CACNA1A: variants seen among roughly 807,000 people sequenced by gnomAD.
CACNA1A encodes the protein voltage-dependent P/Q-type calcium channel subunit alpha-1A.
Under a neutral mutation model 262.4 loss-of-function variants are expected in CACNA1A, and 57 were observed. The ratio of observed to expected loss-of-function variants is 0.22; its 90% CI spans 0.18 to 0.27. CACNA1A has a LOEUF of 0.27. Ranked by LOEUF, CACNA1A falls within the 10% of genes least tolerant of loss-of-function variation. CACNA1A has a pLI of 1.00. For missense variants in CACNA1A, 2,526 were observed against 3,562.8 expected (o/e 0.71, Z 7.41); for synonymous variants, 1,431 against 1,419.3 (o/e 1.01, Z -0.18).
At chr19:13,390,877 G>A (rs2059699002) in intron 3 of CACNA1A, among the ~76,000 whole-genome samples, 3 of 152,038 alleles carry the variant, frequency 2.0e-5, no homozygotes, top group Admixed American at 1.3e-4. Flanking sequence ...TTTGGTTCCC[G>A]AACCACCTGC....
chr19:13,441,561 G>A (rs1341967282), intron 3 of CACNA1A, among the ~76,000 whole-genome samples: 1 of 151,816 alleles, frequency 6.6e-6, no homozygotes, highest in East Asian at 1.9e-4. Flanking sequence ...CAGCTACTTG[G>A]GAGGCTGAGG....
chr19:13,223,367 A>G (rs1372179592), intron 38 of CACNA1A, among the ~76,000 whole-genome samples: 1 of 151,332 alleles, frequency 6.6e-6, no homozygotes, highest in Non-Finnish European at 1.5e-5. Flanking sequence ...TAAATTTTGT[A>G]TTTTTAGTAG....
chr19:13,289,425 G>C (rs2057483251), intron 19 of CACNA1A, among the ~76,000 whole-genome samples: 1 of 152,108 alleles, frequency 6.6e-6, no homozygotes, highest in African/African-American at 2.4e-5. Context: ...GGGATTATAG[G>C]CATGAGCCAC....
In CACNA1A at chr19:13,506,112, T is replaced by A; in HGVS notation, c.113A>T (p.Gln38Leu). Reference sequence around the variant, plus strand: ...CCTTTGCGCCCCGGGCTGCCCGCCCTGCCGGCTGCCCCCGGCTCCTCGCCC... The same window carrying A: ...CCTTTGCGCCCCGGGCTGCCCGCCCAGCCGGCTGCCCCCGGCTCCTCGCCC... ...GGGRGAGGSR[Q>L]GGQPGAQRMY... is the part of the protein sequence containing the mutation. Residue 38 changes from glutamine to leucine, a missense_variant, in exon 1 of 47, where the codon CAG becomes CTG. Gln to Leu is a moderately radical substitution (Grantham distance 113). Transcript: ENST00000360228. The A allele has an allele frequency of 6.2e-7, 1 of 1,611,420 alleles. No individual in the cohort carries two copies. Among genetic ancestry groups the A allele is most frequent in the Non-Finnish European group, 8.5e-7 (1 of 1,178,894 alleles).
intron 31 of CACNA1A, chr19:13,244,344 A>G (rs566188738): frequency 6.6e-6 from 1 of 152,192 alleles, no homozygotes; most frequent in South Asian, 2.1e-4. Flanking sequence ...ATCCACGTAA[A>G]CCACTTGGCA....
intron 22 of CACNA1A, among the ~76,000 whole-genome samples, chr19:13,279,985 T>C (rs1166056020): frequency 6.6e-6 from 1 of 151,660 alleles, no homozygotes; most frequent in Non-Finnish European, 1.5e-5. Flanking sequence ...ATTTTTGTAT[T>C]TTTGGTAGAG....
chr19:13,470,957 C>T (rs954123941), intron 1 of CACNA1A, among the ~76,000 whole-genome samples: 1 of 152,150 alleles, frequency 6.6e-6, no homozygotes, highest in Non-Finnish European at 1.5e-5. Context: ...AATTTATTCT[C>T]TCGTCATCCT....
rs760094098 is a variant in CACNA1A at position 13,214,052 on chromosome 19, C to T, written c.5940+181G>A. The T allele has an allele frequency of 2.7e-5, 16 of 593,332 alleles. No individual in the cohort carries two copies. Among genetic ancestry groups the T allele is most frequent in the South Asian group, 3.9e-5 (2 of 50,882 alleles). The allele number at this position is 593,332 out of a possible 1,614,324, so 36.8% of individuals were successfully genotyped here. On this transcript the variant is annotated intron_variant, in intron 40 of 46. Transcript: ENST00000360228. The surrounding 1 kb of genome is among the most constrained non-coding windows in gnomAD (Gnocchi z 4.1). Reference sequence around the variant, plus strand: ...AGGGTGGTCTCATCCTGGTCTCAAACGATCCCTCTGCCCTGGCCTCTCAAA... The same window carrying T: ...AGGGTGGTCTCATCCTGGTCTCAAATGATCCCTCTGCCCTGGCCTCTCAAA...
rs539640440 is a variant in CACNA1A at position 13,437,954 on chromosome 19, T to C, written c.539+14922A>G. On this transcript the variant is annotated intron_variant, in intron 3 of 46. Coordinates refer to ENST00000360228, the MANE Select transcript of CACNA1A (RefSeq NM_001127222.2). The stretch of plus-strand genomic sequence containing the variant: ...CATGGCAGACAAGAAATCTCTTCCC[T>C]TGCACGCCAACCACCTGTGAGGGTT... Among the ~76,000 whole-genome samples the C allele has an allele frequency of 6.6e-5, 10 of 152,172 alleles. 1 individual carries two copies. The South Asian group carries it at 2.1e-3, about 32-fold the overall frequency.
chr19:13,312,546 C>G, intron 12 of CACNA1A, 123 bp downstream of exon 12: 1 of 626,260 alleles, frequency 1.6e-6, no homozygotes, highest in South Asian at 2.0e-5. Flanking sequence ...CTCATTCCTT[C>G]TGCATCCATC....
chr19:13,386,543 C>G (rs887659712), intron 3 of CACNA1A, among the ~76,000 whole-genome samples: 4 of 152,128 alleles, frequency 2.6e-5, no homozygotes, highest in Non-Finnish European at 5.9e-5. Flanking sequence ...AATCCCAGCC[C>G]TTTGGGAGGC....
At chr19:13,234,479 A>G (rs2055797315) in intron 34 of CACNA1A, among the ~76,000 whole-genome samples, 1 of 150,854 alleles carries the variant, frequency 6.6e-6, no homozygotes, top group African/African-American at 2.4e-5. Flanking sequence ...CTGTTTTCTT[A>G]TTTGTCGGAT....
chr19:13,359,661 A>T lies in CACNA1A; in HGVS notation c.923T>A (p.Val308Glu). The T allele has an allele frequency of 6.2e-7, 1 of 1,610,722 alleles. No homozygotes were observed. ...GGTTATGCACTGGAAAACAGTCAGCACTGCAAACAGGATGTTGTCGAACTG... is the reference window on the plus strand; with the variant it reads ...GGTTATGCACTGGAAAACAGTCAGCTCTGCAAACAGGATGTTGTCGAACTG... ...ITQFDNILFA[V>E]LTVFQCITME... Residue 308 changes from valine to glutamate, a missense_variant, in exon 6 of 47, where the codon GTG becomes GAG. Transcript: ENST00000360228.
At chr19:13,470,992 G>T (rs2061337972) in intron 1 of CACNA1A, among the ~76,000 whole-genome samples, 1 of 152,094 alleles carries the variant, frequency 6.6e-6, no homozygotes, top group Admixed American at 6.5e-5. Flanking sequence ...GAAATTAGGG[G>T]GTTTCCCTTC....
intron 5 of CACNA1A, chr19:13,364,044 C>T (rs76443491): frequency 6.6e-6 from 1 of 152,308 alleles, no homozygotes; most frequent in East Asian, 1.9e-4. Flanking sequence ...TGGTTCAGAG[C>T]TGAGCCCTGG....
At chr19:13,303,671 G>A (rs2057838304) in intron 16 of CACNA1A, 58 bp from the exon 17 acceptor site, 10 of 1,579,572 alleles carry the variant, frequency 6.3e-6, no homozygotes, top group Non-Finnish European at 8.7e-6. Context: ...TGGGCCCTGG[G>A]TATCTGGGTC....
chr19:13,477,511 A>T (rs1443162740), intron 1 of CACNA1A, among the ~76,000 whole-genome samples: 1 of 152,192 alleles, frequency 6.6e-6, no homozygotes, highest in Non-Finnish European at 1.5e-5. Context: ...CATTTTATGG[A>T]GGAGGAAAAC....
At chr19:13,276,698 T>TC (rs1440853860) in intron 23 of CACNA1A, among the ~76,000 whole-genome samples, 1 of 8,926 alleles carries the variant, frequency 1.1e-4, no homozygotes, top group Non-Finnish European at 4.2e-4. Context: ...ATCCCAGCTC[T>TC]TTTTTTTTTT....
At chr19:13,280,040 C>T (rs1227926864) in intron 22 of CACNA1A, among the ~76,000 whole-genome samples, 1 of 152,156 alleles carries the variant, frequency 6.6e-6, no homozygotes, top group Non-Finnish European at 1.5e-5. Context: ...AACTCCTGAC[C>T]TCAGGTGATC....
Sources: gnomAD v4.1 joint callset for allele counts (sites outside exome capture counted in the v4.1 genomes callset) on GRCh38, gnomAD v4.1.1 for gene constraint, Gnocchi (gnomAD v3.1) non-coding constraint, MANE v1.5 for transcripts, NCBI Gene and HGNC (gene_info 2026-07-23, HGNC 2026-07-21) for gene names.